The following MCF2 variants were observed in gnomAD, a reference collection of about 807,000 sequenced individuals.
The protein encoded by MCF2 is proto-oncogene DBL.
In MCF2, 44 loss-of-function variants were observed where a neutral mutation model predicts 82.5. That is an observed-to-expected ratio of 0.53 (90% CI 0.42 to 0.69). The LOEUF (loss-of-function observed/expected upper bound fraction) is 0.69, where lower values mean the gene tolerates loss of function less well. MCF2 is among the 30% of genes least tolerant of loss of function. The pLI is 0.00. For synonymous variants in MCF2, 217 were observed against 224.9 expected (o/e 0.96, Z 0.32); for missense variants, 623 against 663.1 (o/e 0.94, Z 0.66).
chrX:139,685,494 C>T (rs1001076337), intron 1 of MCF2, among the ~76,000 whole-genome samples: 47 of 111,065 alleles, frequency 4.2e-4, no homozygotes, highest in African/African-American at 1.5e-3. Flanking sequence ...ATGCAGCCCC[C>T]AGTCATGTAC....
chrX:139,603,218 C>T (rs1277989181), intron 15 of MCF2, among the ~76,000 whole-genome samples: 2 of 112,381 alleles, frequency 1.8e-5, no homozygotes, highest in Non-Finnish European at 3.8e-5. Context: ...ATGCTTGGTG[C>T]ATAGTAGGTG....
At chrX:139,642,339 A>C in intron 1 of MCF2, 1 of 901,668 alleles carries the variant, frequency 1.1e-6, no homozygotes. Context: ...CCATGCAAAT[A>C]TAAGTCTCCA....
intron 7 of MCF2, among the ~76,000 whole-genome samples, chrX:139,618,325 G>A (rs1436014950): frequency 1.8e-5 from 2 of 110,799 alleles, no homozygotes; most frequent in Non-Finnish European, 3.8e-5. Context: ...TATCTAGTGG[G>A]AAAACCAGGT....
chrX:139,701,947 G>A lies in MCF2; in HGVS notation c.-45+6159C>T, dbSNP rs146534854. On this transcript the variant is annotated intron_variant, in intron 1 of 27. Transcript: ENST00000414978. ...TAACCTTGTACACTTTGCTCCAACC[G>A]CGCTGGCCTTCTTGGTGTTCCTGGA... 7.2e-3 allele frequency among the ~76,000 whole-genome samples: 803 copies of A among 111,541 alleles called. 5 individuals are homozygous for A. The highest frequency in any genetic ancestry group is 9.5e-3 in the Non-Finnish European group (502 of 53,088).
chrX:139,636,090 T>C (rs759015390), intron 1 of MCF2, among the ~76,000 whole-genome samples: 19 of 111,540 alleles, frequency 1.7e-4, no homozygotes, highest in Non-Finnish European at 3.6e-4. Flanking sequence ...GTTTTAAAAT[T>C]TTGCCTTGGA....
chrX:139,678,380 T>C (rs1305827309), intron 1 of MCF2, among the ~76,000 whole-genome samples: 2 of 111,592 alleles, frequency 1.8e-5, no homozygotes, highest in African/African-American at 3.3e-5. Context: ...AGAGAAAATA[T>C]AGTATGATAT....
rs767514573 is a variant in MCF2 at position 139,671,577 on chromosome X, T to TCC, written c.-44-19791_-44-19790dup. 8.1e-3 allele frequency among the ~76,000 whole-genome samples: 911 copies of TCC among 111,913 alleles called. 7 individuals carry two copies. Among genetic ancestry groups the TCC allele is most frequent in the African/African-American group, 0.027 (832 of 30,775 alleles). ...ACCATTTATTAAATAGGGAATCCTTTCCCCATTTCTTGTTTTTGTCAGGTT... is the reference window on the plus strand; with the variant it reads ...ACCATTTATTAAATAGGGAATCCTTTCCCCCCATTTCTTGTTTTTGTCAGGTT... On this transcript the variant is annotated intron_variant, in intron 1 of 27. Transcript: ENST00000414978.
chrX:139,705,188 C>T (rs895200013), intron 1 of MCF2, among the ~76,000 whole-genome samples: 2 of 111,706 alleles, frequency 1.8e-5, no homozygotes, highest in Non-Finnish European at 3.8e-5. Context: ...TGGCGGGCAC[C>T]TGTAATTCCA....
chrX:139,629,398 T>C (rs1206204426), intron 4 of MCF2, among the ~76,000 whole-genome samples: 1 of 112,195 alleles, frequency 8.9e-6, no homozygotes, highest in Non-Finnish European at 1.9e-5. Flanking sequence ...AACAACCTTA[T>C]GCAGTACATG....
chrX:139,666,496 G>T lies in MCF2; in HGVS notation c.-44-14708C>A, dbSNP rs5954132. ...TTTATTGGATATAGTATTCTTGGCT[G>T]GTATTTTTTTTCTTTCAGCACTTTA... On this transcript the variant is annotated intron_variant, in intron 1 of 27. Transcript: ENST00000414978. Among the ~76,000 whole-genome samples the T allele has an allele frequency of 4.5e-5, 5 of 111,091 alleles. No homozygotes were observed. In the South Asian group the frequency reaches 1.9e-3, roughly 43 times the overall value.
intron 21 of MCF2, 35 bp from the exon 26 acceptor site, chrX:139,587,823 A>G: frequency 2.2e-6 from 2 of 919,642 alleles, no homozygotes; most frequent in Non-Finnish European, 3.1e-6. Context: ...ATCATTCAGA[A>G]GTCACACTTC....
intron 1 of MCF2, among the ~76,000 whole-genome samples, chrX:139,701,073 G>C (rs1029183771): frequency 8.9e-6 from 1 of 112,034 alleles, no homozygotes; most frequent in Non-Finnish European, 1.9e-5. Flanking sequence ...CAAGGGAGTA[G>C]AGACTTTTCA....
chrX:139,623,864 G>A (rs1932593779), intron 6 of MCF2, among the ~76,000 whole-genome samples: 1 of 111,988 alleles, frequency 8.9e-6, no homozygotes, highest in Non-Finnish European at 1.9e-5. Flanking sequence ...ACTGGACATG[G>A]GAGTTGAAAA....
At chrX:139,601,645 G>A (rs1930560454) in intron 16 of MCF2, among the ~76,000 whole-genome samples, 1 of 111,011 alleles carries the variant, frequency 9.0e-6, no homozygotes, top group Non-Finnish European at 1.9e-5. Context: ...GAAAAATAAA[G>A]ACATGGCACC....
At chrX:139,644,751 T>A (rs146100114), upstream of MCF2, among the ~76,000 whole-genome samples, 551 of 112,055 alleles carry the variant, frequency 4.9e-3, 5 homozygotes, top group African/African-American at 0.015. Flanking sequence ...AAGTAAGAAT[T>A]TCAGATGGCT....
At chrX:139,675,515 G>T (rs1483486595) in intron 1 of MCF2, among the ~76,000 whole-genome samples, 1 of 112,341 alleles carries the variant, frequency 8.9e-6, no homozygotes, top group Non-Finnish European at 1.9e-5. Flanking sequence ...TGATGTTGAC[G>T]CTATTCCTTT....
At chrX:139,684,399 G>A (rs185757454) in intron 1 of MCF2, among the ~76,000 whole-genome samples, 1 of 112,061 alleles carries the variant, frequency 8.9e-6, no homozygotes, top group African/African-American at 3.2e-5. Context: ...GGGTGCAGCT[G>A]CTTTGAAAAA....
At chrX:139,642,946 A>G, upstream of MCF2, 1 of 450,118 alleles carries the variant, frequency 2.2e-6, no homozygotes, top group Non-Finnish European at 2.9e-6. Context: ...GTGGAATGCT[A>G]AGAATCTTTG....
At chrX:139,625,448 C>G (rs1301879400) in intron 6 of MCF2, among the ~76,000 whole-genome samples, 1 of 111,114 alleles carries the variant, frequency 9.0e-6, no homozygotes, top group South Asian at 3.9e-4. Context: ...TAACTGAGCC[C>G]CGCGTCCAGA....
Sources: gnomAD v4.1 joint callset for allele counts (sites outside exome capture counted in the v4.1 genomes callset) on GRCh38, gnomAD v4.1.1 for gene constraint, MANE v1.5 for transcripts, NCBI Gene and HGNC (gene_info 2026-07-23, HGNC 2026-07-21) for gene names.